The following CADPS variants were observed in gnomAD, a reference collection of about 807,000 sequenced individuals.
The protein encoded by CADPS is calcium-dependent secretion activator 1.
A neutral mutation model predicts 167.3 loss-of-function variants in CADPS; 57 were observed. The ratio of observed to expected loss-of-function variants is 0.34; its 90% CI spans 0.28 to 0.42. The LOEUF (loss-of-function observed/expected upper bound fraction) is 0.42, where lower values mean the gene tolerates loss of function less well. Ranked by LOEUF, CADPS falls within the 20% of genes least tolerant of loss-of-function variation. The pLI, the probability that CADPS is intolerant of heterozygous loss-of-function variation, is 1.00. For missense variants in CADPS, 1,414 were observed against 1,738.1 expected, an observed-to-expected ratio of 0.81 and a Z score of 3.32; for synonymous variants, 676 against 635.3, an observed-to-expected ratio of 1.06 and a Z score of -0.96.
intron 27 of CADPS, chr3:62,441,031 T>C (rs1348237534): frequency 1.3e-5 from 2 of 152,210 alleles, no homozygotes; most frequent in African/African-American, 2.4e-5. Flanking sequence ...GCATTTCAAG[T>C]AGATTTCCAA....
chr3:62,529,402 A>C (rs1010170720), intron 13 of CADPS, among the ~76,000 whole-genome samples: 2 of 152,130 alleles, frequency 1.3e-5, no homozygotes, highest in Non-Finnish European at 2.9e-5. Context: ...CTCCACTTGG[A>C]TGTTGATCCT....
chr3:62,648,188 G>A (rs2069031768), intron 5 of CADPS, among the ~76,000 whole-genome samples: 1 of 152,066 alleles, frequency 6.6e-6, no homozygotes, highest in Non-Finnish European at 1.5e-5. Flanking sequence ...GATGTGCAAT[G>A]GTTTTTGCTG....
At chr3:62,834,519 C>A (rs946918316) in intron 1 of CADPS, among the ~76,000 whole-genome samples, 14 of 152,170 alleles carry the variant, frequency 9.2e-5, no homozygotes, top group Middle Eastern at 6.3e-3. Flanking sequence ...TAGACAGAGC[C>A]TTACCCTAAC....
chr3:62,525,679 ATGTGTG>A (rs34729200), intron 13 of CADPS, among the ~76,000 whole-genome samples: 102 of 148,908 alleles, frequency 6.8e-4, no homozygotes, highest in African/African-American at 2.2e-3. Flanking sequence ...TAATGTCATT[ATGTGTG>A]TGTGTGTGTG....
At position 62,438,333 on chromosome 3, in the gene CADPS, T is replaced by G; in HGVS notation, c.3670-122A>C. On this transcript the variant is annotated intron_variant, in intron 27 of 29. Transcript: ENST00000383710. The surrounding 1 kb of genome is among the most constrained non-coding windows in gnomAD (Gnocchi z 4.7). Reference sequence around the variant, plus strand: ...TGAGATGCTTCTGCTGGATCAGCTTTGTAGGCATGGGATTGCTGTCCACAG... The same window carrying G: ...TGAGATGCTTCTGCTGGATCAGCTTGGTAGGCATGGGATTGCTGTCCACAG... 1 of 692,646 alleles carries G rather than the reference T, an allele frequency of 1.4e-6. No individual in the cohort carries two copies. The highest frequency in any genetic ancestry group is 2.3e-5 in the Admixed American group (1 of 43,232). 42.9% of individuals were successfully genotyped at this position (692,646 alleles called of 1,614,324 possible). A position where few individuals can be genotyped will look rare whatever the true frequency, so the allele number is the denominator to read the frequency against.
intron 1 of CADPS, among the ~76,000 whole-genome samples, chr3:62,786,454 C>A (rs1229197599): frequency 6.6e-6 from 1 of 151,954 alleles, no homozygotes; most frequent in African/African-American, 2.4e-5. Flanking sequence ...GCAGCCAGGG[C>A]AACATAGCAA....
intron 17 of CADPS, chr3:62,500,139 T>C (rs1368657237): frequency 6.6e-6 from 1 of 152,160 alleles, no homozygotes; most frequent in Non-Finnish European, 1.5e-5. Flanking sequence ...GGAGGTTTTC[T>C]TTCTTTCTTT....
intron 3 of CADPS, among the ~76,000 whole-genome samples, chr3:62,730,836 C>G (rs1279925529): frequency 6.6e-6 from 1 of 152,180 alleles, no homozygotes; most frequent in Non-Finnish European, 1.5e-5. Flanking sequence ...AGTGTGAAGG[C>G]TTGGAATGGA....
chr3:62,860,946 C>A (rs1473965107), intron 1 of CADPS, among the ~76,000 whole-genome samples: 1 of 152,118 alleles, frequency 6.6e-6, no homozygotes, highest in Non-Finnish European at 1.5e-5. Flanking sequence ...GGGATGAAAT[C>A]ATGTTGGAGA....
rs2055536756 is a variant in CADPS at position 62,438,153 on chromosome 3, A to T, written c.3728T>A (p.Val1243Asp). 1 of 1,613,790 alleles carries T rather than the reference A, an allele frequency of 6.2e-7. No homozygotes were observed. Among genetic ancestry groups the T allele is most frequent in the Non-Finnish European group, 8.5e-7 (1 of 1,179,700 alleles). ...CTCCTCATTGACCTTATCACGCAGG[A>T]CATCCTGAGAATGGCGGACGAAAGT... ...YVTFVRHSQDVLRDKVNEEMY... is the reference protein window; with the variant it reads ...YVTFVRHSQDDLRDKVNEEMY... Residue 1243 changes from valine to aspartate, a missense_variant, in exon 28 of 30, where the codon GTC (valine) becomes GAC (aspartate). Transcript: ENST00000383710. The surrounding 1 kb of genome is among the most constrained non-coding windows in gnomAD (Gnocchi z 4.7).
At chr3:62,798,386 G>A (rs888699153) in intron 1 of CADPS, among the ~76,000 whole-genome samples, 3 of 152,072 alleles carry the variant, frequency 2.0e-5, no homozygotes, top group African/African-American at 7.2e-5. Context: ...TCCTGCTCTT[G>A]AACATCAGAC....
At chr3:62,701,606 T>A (rs369585744) in intron 3 of CADPS, among the ~76,000 whole-genome samples, 11 of 130,060 alleles carry the variant, frequency 8.5e-5, no homozygotes, top group African/African-American at 1.2e-4. Context: ...AGACTCAGTC[T>A]AAAAAAAAAA....
At chr3:62,672,043 G>A (rs1462881111) in intron 3 of CADPS, among the ~76,000 whole-genome samples, 3 of 152,064 alleles carry the variant, frequency 2.0e-5, no homozygotes, top group African/African-American at 4.8e-5. Context: ...GCCTCTCAAA[G>A]TGCTGGGATT....
chr3:62,757,583 G>A (rs2084293667), intron 2 of CADPS, among the ~76,000 whole-genome samples: 1 of 152,106 alleles, frequency 6.6e-6, no homozygotes, highest in South Asian at 2.1e-4. Flanking sequence ...ACGGTATATT[G>A]GTCTCTTAAA....
chr3:62,566,879 CA>C (rs2080318349), intron 9 of CADPS, among the ~76,000 whole-genome samples: 1 of 152,126 alleles, frequency 6.6e-6, no homozygotes. Flanking sequence ...ATCATATGTA[CA>C]TGAAAAATTT....
intron 1 of CADPS, among the ~76,000 whole-genome samples, chr3:62,871,398 G>A (rs1577688814): frequency 6.6e-6 from 1 of 152,058 alleles, no homozygotes; most frequent in East Asian, 1.9e-4. Flanking sequence ...TATTTGATGG[G>A]TGTACAGGGG....
chr3:62,562,653 T>A (rs975866488), intron 9 of CADPS, among the ~76,000 whole-genome samples: 2 of 152,196 alleles, frequency 1.3e-5, no homozygotes, highest in Non-Finnish European at 2.9e-5. Context: ...GGGCATTTCT[T>A]ATGTGTGCAT....
chr3:62,729,858 C>T (rs936428957), intron 3 of CADPS, among the ~76,000 whole-genome samples: 5 of 151,874 alleles, frequency 3.3e-5, no homozygotes, highest in East Asian at 1.9e-4. Context: ...TTCTGGTTCT[C>T]GTCTCTGCTG....
intron 3 of CADPS, among the ~76,000 whole-genome samples, chr3:62,750,164 C>T (rs183445230): frequency 6.4e-4 from 97 of 151,526 alleles, no homozygotes; most frequent in Middle Eastern, 6.8e-3. Context: ...CCAGCCTGGC[C>T]AACATGGAAA....
Sources: gnomAD v4.1 joint callset for allele counts (sites outside exome capture counted in the v4.1 genomes callset) on GRCh38, gnomAD v4.1.1 for gene constraint, Gnocchi (gnomAD v3.1) non-coding constraint, MANE v1.5 for transcripts, NCBI Gene and HGNC (gene_info 2026-07-23, HGNC 2026-07-21) for gene names.